ERBB4: variants seen among roughly 807,000 people sequenced by gnomAD.
The protein encoded by ERBB4 is erb-b2 receptor tyrosine kinase 4, also known as receptor tyrosine-protein kinase erbB-4.
A neutral mutation model predicts 158.0 loss-of-function variants in ERBB4; 42 were observed. That is an observed-to-expected ratio of 0.27 (90% CI 0.21 to 0.34). ERBB4 has a LOEUF of 0.34. Among genes scored for constraint, ERBB4 ranks in the 10% least tolerant of loss-of-function variants. The pLI, the probability that ERBB4 is intolerant of heterozygous loss-of-function variation, is 1.00. For missense variants in ERBB4, 1,333 were observed against 1,624.1 expected, an observed-to-expected ratio of 0.82 and a Z score of 3.08; for synonymous variants, 583 against 558.7, an observed-to-expected ratio of 1.04 and a Z score of -0.61.
chr2:212,479,533 A>G (rs1254835550), intron 1 of ERBB4, among the ~76,000 whole-genome samples: 1 of 152,176 alleles, frequency 6.6e-6, no homozygotes, highest in East Asian at 1.9e-4. Context: ...GAAAGTCATT[A>G]ACTCATTAAA....
chr2:212,087,238 T>C, intron 2 of ERBB4, among the ~76,000 whole-genome samples: 1 of 151,632 alleles, frequency 6.6e-6, no homozygotes, highest in African/African-American at 2.4e-5. Flanking sequence ...CACTAAATAG[T>C]GAGTATGCAA....
At chr2:212,333,128 G>T (rs182396940) in intron 1 of ERBB4, among the ~76,000 whole-genome samples, 46 of 152,096 alleles carry the variant, frequency 3.0e-4, no homozygotes, top group African/African-American at 1.1e-3. Context: ...CAGTAGATGG[G>T]TATAAAATAT....
chr2:212,009,260 T>C (rs1252258328), intron 2 of ERBB4, among the ~76,000 whole-genome samples: 5 of 151,914 alleles, frequency 3.3e-5, no homozygotes, highest in African/African-American at 9.7e-5. Context: ...GATGAAATCA[T>C]CCCAGATTAT....
intron 1 of ERBB4, among the ~76,000 whole-genome samples, chr2:212,276,817 A>T (rs2085552949): frequency 6.6e-6 from 1 of 151,808 alleles, no homozygotes. Context: ...TGTTTAATTT[A>T]ATTCCTTAGA....
chr2:211,966,056 T>A (rs2081302149), intron 2 of ERBB4, among the ~76,000 whole-genome samples: 1 of 151,936 alleles, frequency 6.6e-6, no homozygotes, highest in Non-Finnish European at 1.5e-5. Flanking sequence ...TACAAAAAAA[T>A]GTCAAAATTT....
intron 9 of ERBB4, among the ~76,000 whole-genome samples, chr2:211,708,604 T>G (rs2073543852): frequency 1.4e-5 from 2 of 144,800 alleles, no homozygotes; most frequent in Admixed American, 1.4e-4. Flanking sequence ...TTCTCTCTGT[T>G]TCCATCCTTC....
chr2:212,010,140 G>T (rs141384363), intron 2 of ERBB4, among the ~76,000 whole-genome samples: 11 of 152,212 alleles, frequency 7.2e-5, no homozygotes, highest in Non-Finnish European at 1.3e-4. Flanking sequence ...CCTCCTTGTT[G>T]CTCGTGGAGC....
chr2:212,078,287 G>A (rs2078331902), intron 2 of ERBB4, among the ~76,000 whole-genome samples: 1 of 150,550 alleles, frequency 6.6e-6, no homozygotes, highest in African/African-American at 2.4e-5. Flanking sequence ...CTTTTTTTGG[G>A]GTTTCACTTT....
chr2:211,826,793 C>A (rs1480503741), intron 3 of ERBB4, among the ~76,000 whole-genome samples: 1 of 152,018 alleles, frequency 6.6e-6, no homozygotes, highest in Non-Finnish European at 1.5e-5. Context: ...AAGACACATT[C>A]ATATGCTATA....
intron 1 of ERBB4, among the ~76,000 whole-genome samples, chr2:212,265,609 C>G (rs957991467): frequency 6.6e-6 from 1 of 151,936 alleles, no homozygotes; most frequent in Admixed American, 6.6e-5. Flanking sequence ...ACTGTCCTCC[C>G]AGTTCCACTC....
rs555801807 is a variant in ERBB4, at chr2:212,260,642, G to A, written c.83-135739C>T. Among the ~76,000 whole-genome samples, 13 of 152,008 alleles carry A rather than the reference G, an allele frequency of 8.6e-5. No individual in the cohort carries two copies. The South Asian group carries it at 1.2e-3, about 15-fold the overall frequency. On this transcript the variant is annotated intron_variant, in intron 1 of 27. Transcript: ENST00000342788. ...AGCCTGGCAAACATGGTGAAACCCC[G>A]TCTCTACTAAAAATACAAAAATTAG...
chr2:211,748,043 A>G (rs1438420702), intron 5 of ERBB4, among the ~76,000 whole-genome samples: 10 of 151,672 alleles, frequency 6.6e-5, no homozygotes, highest in Non-Finnish European at 2.9e-5. Context: ...ATGTTATAAT[A>G]TATAGTTTTT....
chr2:211,780,603 C>G (rs1363600707), intron 4 of ERBB4, among the ~76,000 whole-genome samples: 2 of 152,164 alleles, frequency 1.3e-5, no homozygotes, highest in African/African-American at 4.8e-5. Context: ...TGGTGTGGGT[C>G]AGGTGCAAGT....
intron 3 of ERBB4, among the ~76,000 whole-genome samples, chr2:211,831,828 G>T (rs2077226319): frequency 6.6e-6 from 1 of 152,006 alleles, no homozygotes; most frequent in African/African-American, 2.4e-5. Context: ...ACTTGAACCT[G>T]GGAGGCAGAG....
chr2:211,480,326 C>T (rs982524692), intron 20 of ERBB4, among the ~76,000 whole-genome samples: 1 of 152,078 alleles, frequency 6.6e-6, no homozygotes, highest in South Asian at 2.1e-4. Context: ...GAATTGTAAT[C>T]CACGGCATTG....
At chr2:212,467,393 A>T (rs377075218) in intron 1 of ERBB4, among the ~76,000 whole-genome samples, 2 of 152,176 alleles carry the variant, frequency 1.3e-5, no homozygotes, top group South Asian at 4.1e-4. Flanking sequence ...CAGAGTCCCT[A>T]TGCTGTGTAC....
chr2:212,017,609 A>T (rs2076557862), intron 2 of ERBB4, among the ~76,000 whole-genome samples: 1 of 152,164 alleles, frequency 6.6e-6, no homozygotes, highest in South Asian at 2.1e-4. Context: ...TTTATTCCAC[A>T]TCTAATTTTC....
chr2:211,883,263 C>T (rs938053418), intron 3 of ERBB4, among the ~76,000 whole-genome samples: 1 of 152,040 alleles, frequency 6.6e-6, no homozygotes, highest in Non-Finnish European at 1.5e-5. Context: ...CACATAGACA[C>T]AGGAAGGGGA....
chr2:212,538,592 G>C lies in ERBB4; in HGVS notation c.-62C>G. The C allele has an allele frequency of 3.3e-6, 5 of 1,521,960 alleles. No homozygotes were observed. Among genetic ancestry groups the C allele is most frequent in the Non-Finnish European group, 2.7e-6 (3 of 1,096,642 alleles). 94.3% of individuals were successfully genotyped at this position (1,521,960 alleles called of 1,614,324 possible). A position where few individuals can be genotyped will look rare whatever the true frequency, so the allele number is the denominator to read the frequency against. ...TGTCCAAATGGCATATCCCCCTTTCGGGCACGCGGAGGAGATCCCCCAGCC... is the reference window on the plus strand; with the variant it reads ...TGTCCAAATGGCATATCCCCCTTTCCGGCACGCGGAGGAGATCCCCCAGCC... On this transcript the variant is annotated 5_prime_UTR_variant, in exon 1 of 28. Transcript: ENST00000342788.
Sources: allele counts gnomAD v4.1 joint callset (sites outside exome capture counted in the v4.1 genomes callset), GRCh38; gene constraint gnomAD v4.1.1; transcripts MANE v1.5; gene names NCBI Gene and HGNC (gene_info 2026-07-23, HGNC 2026-07-21).